GRIN2D: variants seen among roughly 807,000 people sequenced by gnomAD.
The protein encoded by GRIN2D is glutamate receptor ionotropic, NMDA 2D.
GRIN2D carries 37 observed loss-of-function variants against 103.2 expected under a neutral mutation model. That is an observed-to-expected ratio of 0.36 (90% CI 0.28 to 0.47). The LOEUF is 0.47. GRIN2D is among the 20% of genes least tolerant of loss of function. The pLI is 1.00. For missense variants in GRIN2D, 1,557 were observed against 1,910.6 expected, an observed-to-expected ratio of 0.81 and a Z score of 3.45; for synonymous variants, 845 against 885.6, an observed-to-expected ratio of 0.95 and a Z score of 0.81.
In GRIN2D at chr19:48,405,389, C is replaced by T. The variant is rs1184319014; in HGVS notation, c.1085+36C>T. 9 of 1,511,170 alleles carry T rather than the reference C, an allele frequency of 6.0e-6. No individual in the cohort carries two copies. Among genetic ancestry groups the T allele is most frequent in the South Asian group, 5.2e-5 (4 of 77,162 alleles). The allele number at this position is 1,511,170 out of a possible 1,614,324, so 93.6% of individuals were successfully genotyped here. On this transcript the variant is annotated intron_variant, in intron 4 of 13. Coordinates refer to ENST00000263269, the MANE Select transcript of GRIN2D (RefSeq NM_000836.4). The surrounding 1 kb of genome is among the most constrained non-coding windows in gnomAD (Gnocchi z 5.1). ...CTGGAATGGGAGGGGTGTGGGAGGG[C>T]TCCCAGAGCCTAACTACCTCAGTAT...
At chr19:48,419,438 T>C (rs74192709) in intron 9 of GRIN2D, 79 bp downstream of exon 9, 1 of 1,518,746 alleles carries the variant, frequency 6.6e-7, no homozygotes, top group Non-Finnish European at 8.9e-7. Context: ...CAGCAGCCCC[T>C]GGAGGGGGGG....
rs1355329617 is a variant in GRIN2D at position 48,394,799 on chromosome 19, A to ACCACCACTGCCGCCG, written c.-161_-147dup. 6.4e-6 allele frequency: 1 copy of ACCACCACTGCCGCCG among 156,178 alleles called. No homozygotes were observed. The highest frequency in any genetic ancestry group is 1.4e-5 in the Non-Finnish European group (1 of 70,958). 9.7% of individuals were successfully genotyped at this position (156,178 alleles called of 1,614,324 possible). On this transcript the variant is annotated 5_prime_UTR_variant, in exon 2 of 14. Transcript: ENST00000263269. This position sits in a 1 kb window ranked among gnomAD's most constrained non-coding sequence, Gnocchi z 5.1. Reference sequence around the variant, plus strand: ...GGTCCGGGCTGCCGCTGCTGCCGCCACCACCACTGCCGCCGCCCCGGGGCC... The same window carrying ACCACCACTGCCGCCG: ...GGTCCGGGCTGCCGCTGCTGCCGCCACCACCACTGCCGCCGCCACCACTGCCGCCGCCCCGGGGCC...
Position 48,421,621 on chromosome 19 carries a change from G to A in GRIN2D, c.2092-164G>A, listed in dbSNP as rs1971024369. On this transcript the variant is annotated intron_variant, in intron 10 of 13. Coordinates refer to ENST00000263269, the MANE Select transcript of GRIN2D (RefSeq NM_000836.4). The surrounding 1 kb of genome is among the most constrained non-coding windows in gnomAD (Gnocchi z 4.8). ...GTGTCTGCAACCGTGTGTGCTGGGT[G>A]GGAGTGGAAAAGCATTCCCTAATGT... Among the ~76,000 whole-genome samples, 1 of 152,200 alleles carries A rather than the reference G, an allele frequency of 6.6e-6. No homozygotes were observed. Among genetic ancestry groups the A allele is most frequent in the Non-Finnish European group, 1.5e-5 (1 of 68,050 alleles).
intron 4 of GRIN2D, among the ~76,000 whole-genome samples, chr19:48,406,706 A>G (rs1355504449): frequency 6.6e-6 from 1 of 152,222 alleles, no homozygotes; most frequent in African/African-American, 2.4e-5. Context: ...AGTGGCAGAC[A>G]GGGACAGGGA....
chr19:48,425,466 T>C (rs1043915700), intron 11 of GRIN2D, among the ~76,000 whole-genome samples: 1 of 152,188 alleles, frequency 6.6e-6, no homozygotes, highest in African/African-American at 2.4e-5. Flanking sequence ...GGTCTTGAAC[T>C]CCTAACCTTA....
At position 48,394,510 on chromosome 19, in the gene GRIN2D, G is replaced by A. The variant is rs1970610225; in HGVS notation, c.-305-148G>A. Among the ~76,000 whole-genome samples, 1 of 149,368 alleles carries A rather than the reference G, an allele frequency of 6.7e-6. No individual in the cohort carries two copies. Among genetic ancestry groups the A allele is most frequent in the Middle Eastern group, 3.4e-3 (1 of 290 alleles). On this transcript the variant is annotated intron_variant, in intron 1 of 13. Transcript: ENST00000263269. The surrounding 1 kb of genome is among the most constrained non-coding windows in gnomAD (Gnocchi z 5.1). ...GGGTGCGAGTGAGCCAGGGAGAGGCGGGACTGGACACATGGAAAGGGGGGA... is the reference window on the plus strand; with the variant it reads ...GGGTGCGAGTGAGCCAGGGAGAGGCAGGACTGGACACATGGAAAGGGGGGA...
chr19:48,425,190 C>T (rs74549627), intron 11 of GRIN2D, among the ~76,000 whole-genome samples: 4,316 of 128,652 alleles, frequency 0.034, 84 homozygotes, highest in Non-Finnish European at 0.048. Flanking sequence ...CTGCTCAGTC[C>T]TTGCAGTGGG....
At chr19:48,429,089 C>G (rs1362747043) in intron 11 of GRIN2D, among the ~76,000 whole-genome samples, 2 of 152,194 alleles carry the variant, frequency 1.3e-5, no homozygotes, top group Non-Finnish European at 2.9e-5. Flanking sequence ...ATCTCTTGCT[C>G]TAATTTCCTG....
At position 48,414,953 on chromosome 19, in the gene GRIN2D, T is replaced by C. The variant is rs1281448437; in HGVS notation, c.1502T>C (p.Phe501Ser). 6.2e-7 allele frequency: 1 copy of C among 1,613,838 alleles called. No individual in the cohort carries two copies. Among genetic ancestry groups the C allele is most frequent in the Non-Finnish European group, 8.5e-7 (1 of 1,179,962 alleles). ...AAGCGGCTGGCGCATACCATCGGCTTCAGCTACGACCTCTACCTGGTCACC... is the reference window on the plus strand; with the variant it reads ...AAGCGGCTGGCGCATACCATCGGCTCCAGCTACGACCTCTACCTGGTCACC... ...ILKRLAHTIG[F>S]SYDLYLVTNG... is the part of the protein sequence containing the mutation. The change falls in exon 7 of 14, where the codon TTC (phenylalanine) becomes TCC (serine). Residue 501 changes from phenylalanine to serine, a missense_variant. Phe to Ser is a radical substitution (Grantham distance 155). Coordinates refer to ENST00000263269, the MANE Select transcript of GRIN2D (RefSeq NM_000836.4). This position sits in a 1 kb window ranked among gnomAD's most constrained non-coding sequence, Gnocchi z 4.6.
chr19:48,432,071 C>T (rs181214000), intron 11 of GRIN2D, among the ~76,000 whole-genome samples: 41 of 151,608 alleles, frequency 2.7e-4, no homozygotes, highest in African/African-American at 9.2e-4. Context: ...ACCACCAAGC[C>T]CAGCTAATTT....
At chr19:48,396,557 G>A (rs1383241478) in intron 2 of GRIN2D, among the ~76,000 whole-genome samples, 3 of 151,898 alleles carry the variant, frequency 2.0e-5, no homozygotes, top group African/African-American at 4.8e-5. Flanking sequence ...GGGGCGGAGT[G>A]GGGGGGTTAT....
At position 48,409,104 on chromosome 19, in the gene GRIN2D, A is replaced by T. The variant is rs185015372; in HGVS notation, c.1085+3751A>T. 3.3e-5 allele frequency among the ~76,000 whole-genome samples: 5 copies of T among 152,126 alleles called. No homozygotes were observed. The East Asian group carries it at 9.7e-4, about 30-fold the overall frequency. ...GCATCATTACATGAGGGAAGGCATC[A>T]CATGGTAGAAGGGCAAAGAGAGGAG... On this transcript the variant is annotated intron_variant, in intron 4 of 13. Transcript: ENST00000263269.
At position 48,443,452 on chromosome 19, in the gene GRIN2D, G is replaced by A. The variant is rs1452213527; in HGVS notation, c.3526G>A (p.Ala1176Thr). 1.4e-6 allele frequency: 2 copies of A among 1,383,128 alleles called. No homozygotes were observed. The highest frequency in any genetic ancestry group is 9.3e-7 in the Non-Finnish European group (1 of 1,072,828). 85.7% of individuals were successfully genotyped at this position (1,383,128 alleles called of 1,614,324 possible). A position where few individuals can be genotyped will look rare whatever the true frequency, so the allele number is the denominator to read the frequency against. The change falls in exon 14 of 14, where the codon GCC becomes ACC. Residue 1176 changes from alanine to threonine, a missense_variant. Coordinates refer to ENST00000263269, the MANE Select transcript of GRIN2D (RefSeq NM_000836.4). The surrounding 1 kb of genome is among the most constrained non-coding windows in gnomAD (Gnocchi z 8.9). ...CTACCTGCCCCCGCGCAGCGGTCCG[G>A]CCGCCTGGCACTGTCGGCACTGCGC... ...WDYLPPRSGP[A>T]AWHCRHCASL...
chr19:48,416,980 G>C (rs1248424065), intron 8 of GRIN2D, among the ~76,000 whole-genome samples: 1 of 152,098 alleles, frequency 6.6e-6, no homozygotes, highest in African/African-American at 2.4e-5. Flanking sequence ...CCTGACCTCA[G>C]GTGATCTGCC....
intron 11 of GRIN2D, among the ~76,000 whole-genome samples, chr19:48,432,768 ACTTT>A (rs1320257665): frequency 8.8e-5 from 13 of 147,240 alleles, no homozygotes; most frequent in Non-Finnish European, 1.6e-4. Flanking sequence ...CAGAAACTGG[ACTTT>A]CTTTTTTTTT....
intron 11 of GRIN2D, among the ~76,000 whole-genome samples, chr19:48,432,140 G>A (rs1169050340): frequency 1.4e-5 from 2 of 146,756 alleles, no homozygotes; most frequent in Non-Finnish European, 3.0e-5. Context: ...TCGATCTCCT[G>A]ACCTTGTGAT....
In GRIN2D at chr19:48,421,688, G is replaced by C. The variant is rs1971025698; in HGVS notation, c.2092-97G>C. ...GAAATATTGAACACTCCTGGGACTG[G>C]GGTGTCTGCCAGATAGCGGGTGTGT... On this transcript the variant is annotated intron_variant, in intron 10 of 13. Coordinates refer to ENST00000263269, the MANE Select transcript of GRIN2D (RefSeq NM_000836.4). The surrounding 1 kb of genome is among the most constrained non-coding windows in gnomAD (Gnocchi z 4.8). 7 of 956,990 alleles carry C rather than the reference G, an allele frequency of 7.3e-6. No homozygotes were observed. Among genetic ancestry groups the C allele is most frequent in the Middle Eastern group, 2.3e-4 (1 of 4,320 alleles). The allele number at this position is 956,990 out of a possible 1,614,324, so 59.3% of individuals were successfully genotyped here.
In GRIN2D at chr19:48,441,965, GCA is replaced by G. The variant is rs1569074350; in HGVS notation, c.2440+14_2440+15del. The G allele has an allele frequency of 6.3e-7, 1 of 1,597,516 alleles. No individual in the cohort carries two copies. The stretch of plus-strand genomic sequence containing the variant: ...GCAGTTCCTGGGGGATGGTGCGGCT[GCA>G]CACAGGGATTTCCACAGCGGAGAGG... On this transcript the variant is annotated intron_variant, in intron 12 of 13. Transcript: ENST00000263269.
rs182463175 is a variant in GRIN2D, at chr19:48,423,083, C to T, written c.2252+1138C>T. Among the ~76,000 whole-genome samples the T allele has an allele frequency of 1.3e-4, 20 of 152,168 alleles. No homozygotes were observed. The East Asian group carries it at 3.7e-3, about 28-fold the overall frequency. On this transcript the variant is annotated intron_variant, in intron 11 of 13. Transcript: ENST00000263269. ...AAAATTAGCCGGGCGTGGTGGCGGG[C>T]GCCTGTAATCTCAGCTGCTTGGGAG...
Sources: gnomAD v4.1 joint callset for allele counts (sites outside exome capture counted in the v4.1 genomes callset) on GRCh38, gnomAD v4.1.1 for gene constraint, Gnocchi (gnomAD v3.1) non-coding constraint, MANE v1.5 for transcripts, NCBI Gene and HGNC (gene_info 2026-07-23, HGNC 2026-07-21) for gene names.